CNTN5: variants seen among roughly 807,000 people sequenced by gnomAD.
CNTN5 encodes contactin-5.
In CNTN5, 77 loss-of-function variants were observed where a neutral mutation model predicts 129.1. The ratio of observed to expected loss-of-function variants is 0.60; its 90% CI spans 0.50 to 0.72. The LOEUF is 0.72. CNTN5 is among the 30% of genes least tolerant of loss of function. The pLI, the probability that CNTN5 is intolerant of heterozygous loss-of-function variation, is 0.00. For synonymous variants in CNTN5, 509 were observed against 465.6 expected, an observed-to-expected ratio of 1.09 and a Z score of -1.20; for missense variants, 1,478 against 1,328.8, an observed-to-expected ratio of 1.11 and a Z score of -1.75.
At chr11:99,264,818 C>T (rs1032397431) in intron 1 of CNTN5, among the ~76,000 whole-genome samples, 1 of 151,860 alleles carries the variant, frequency 6.6e-6, no homozygotes, top group Non-Finnish European at 1.5e-5. Context: ...TAAAATTTAC[C>T]ATTTTTCCAA....
intron 21 of CNTN5, among the ~76,000 whole-genome samples, chr11:100,321,478 G>T (rs1269193394): frequency 6.6e-5 from 10 of 151,922 alleles, no homozygotes; most frequent in Admixed American, 5.9e-4. Context: ...TTTCCTATAT[G>T]TTAGATTATG....
chr11:100,283,029 G>C (rs1950675592), intron 18 of CNTN5, among the ~76,000 whole-genome samples: 1 of 152,164 alleles, frequency 6.6e-6, no homozygotes, highest in African/African-American at 2.4e-5. Flanking sequence ...TGCTGTCAAA[G>C]AGTCAACTCC....
At chr11:99,454,018 T>C (rs993037296) in intron 2 of CNTN5, among the ~76,000 whole-genome samples, 1 of 152,112 alleles carries the variant, frequency 6.6e-6, no homozygotes, top group African/African-American at 2.4e-5. Flanking sequence ...CTTAGAAAGA[T>C]AAATAAAATA....
intron 4 of CNTN5, among the ~76,000 whole-genome samples, chr11:99,827,928 T>A (rs1013319660): frequency 6.6e-6 from 1 of 152,222 alleles, no homozygotes; most frequent in Non-Finnish European, 1.5e-5. Flanking sequence ...TGTACAAGTT[T>A]ATTAAACAGA....
In CNTN5 at chr11:99,981,077, G is replaced by GAGATAT. The variant is rs1555171289; in HGVS notation, c.878-20956_878-20955insGATATA. Among the ~76,000 whole-genome samples, 49 of 57,588 alleles carry GAGATAT rather than the reference G, an allele frequency of 8.5e-4. 1 individual carries two copies. The highest frequency in any genetic ancestry group is 8.4e-3 in the East Asian group (14 of 1,658). The allele number at this position is 57,588 out of a possible 152,430, so 37.8% of individuals were successfully genotyped here. On this transcript the variant is annotated intron_variant, in intron 8 of 24. Coordinates refer to ENST00000524871, the MANE Select transcript of CNTN5 (RefSeq NM_014361.4). ...TTTTATAGAGAGAAAGAGCCAATAGGATATATATATATATATATATATATA... is the reference window on the plus strand; with the variant it reads ...TTTTATAGAGAGAAAGAGCCAATAGGAGATATATATATATATATATATATATATATA...
chr11:100,273,842 T>C (rs1950453160), intron 18 of CNTN5, among the ~76,000 whole-genome samples: 3 of 152,192 alleles, frequency 2.0e-5, no homozygotes, highest in Middle Eastern at 3.2e-3. Context: ...TAAACTACCA[T>C]TGACATTCTT....
At chr11:99,426,598 A>T (rs1943131607) in intron 2 of CNTN5, among the ~76,000 whole-genome samples, 1 of 152,188 alleles carries the variant, frequency 6.6e-6, no homozygotes, top group Non-Finnish European at 1.5e-5. Context: ...ACACACTGGC[A>T]CAAATGCTGG....
intron 1 of CNTN5, among the ~76,000 whole-genome samples, chr11:99,076,334 A>G (rs1353457045): frequency 6.6e-6 from 1 of 151,766 alleles, no homozygotes; most frequent in African/African-American, 2.4e-5. Context: ...TCTCAAAAAC[A>G]AAACAAAACA....
intron 13 of CNTN5, among the ~76,000 whole-genome samples, chr11:100,106,243 G>A (rs777002951): frequency 1.3e-5 from 2 of 152,194 alleles, no homozygotes; most frequent in Non-Finnish European, 2.9e-5. Context: ...ACTAGTCACA[G>A]CTAACTGCCA....
At chr11:99,745,514 G>A (rs1263360604) in intron 3 of CNTN5, among the ~76,000 whole-genome samples, 2 of 2,756 alleles carry the variant, frequency 7.3e-4, no homozygotes, top group Non-Finnish European at 0.024. Context: ...AGCTTATATG[G>A]CAGCCTTGTA....
intron 3 of CNTN5, among the ~76,000 whole-genome samples, chr11:99,684,135 T>A (rs142913512): frequency 0.021 from 3,204 of 151,886 alleles, 60 homozygotes; most frequent in Middle Eastern, 0.058. Context: ...ACTCCCTGTT[T>A]CTATGAGTTT....
intron 2 of CNTN5, among the ~76,000 whole-genome samples, chr11:99,550,222 TAAAC>T (rs1354644496): frequency 2.6e-5 from 4 of 152,172 alleles, no homozygotes; most frequent in Non-Finnish European, 5.9e-5. Flanking sequence ...TTTTCTAAGA[TAAAC>T]AATATCATAA....
chr11:99,451,585 T>G (rs918449796), intron 2 of CNTN5, among the ~76,000 whole-genome samples: 1 of 152,192 alleles, frequency 6.6e-6, no homozygotes, highest in African/African-American at 2.4e-5. Flanking sequence ...GAAATTATTT[T>G]TATATGTTAG....
rs1206352072 is a variant in CNTN5, at chr11:100,299,402, T to C, written c.2620+6T>C. The C allele has an allele frequency of 1.3e-6, 2 of 1,522,498 alleles. No homozygotes were observed. The highest frequency in any genetic ancestry group is 1.9e-5 in the Admixed American group (1 of 52,968). The allele number at this position is 1,522,498 out of a possible 1,614,324, so 94.3% of individuals were successfully genotyped here. Reference sequence around the variant, plus strand: ...CATCTGTTCAGCTGAAGGAGGTCAGTTTTTTTATTCCTATTATTTTTATTT... The same window carrying C: ...CATCTGTTCAGCTGAAGGAGGTCAGCTTTTTTATTCCTATTATTTTTATTT... On this transcript the variant is annotated splice_donor_region_variant and intron_variant, in intron 20 of 24. Transcript: ENST00000524871.
chr11:99,172,155 C>G (rs1861177499), intron 1 of CNTN5, among the ~76,000 whole-genome samples: 1 of 152,162 alleles, frequency 6.6e-6, no homozygotes, highest in African/African-American at 2.4e-5. Flanking sequence ...AGTTCTGCCT[C>G]TGTGGCATAG....
At position 99,659,733 on chromosome 11, in the gene CNTN5, A is replaced by G. The variant is rs574170662; in HGVS notation, c.55+103464A>G. On this transcript the variant is annotated intron_variant, in intron 3 of 24. Transcript: ENST00000524871. ...TAGACTGGAGGAGACCCACCCAATC[A>G]TTATGGAGAATAATCTGCTTCAGTC... Among the ~76,000 whole-genome samples the G allele has an allele frequency of 2.0e-5, 3 of 152,260 alleles. No homozygotes were observed. In the East Asian group the frequency reaches 5.8e-4, roughly 29 times the overall value.
chr11:100,034,462 A>G lies in CNTN5; in HGVS notation c.981-26750A>G, dbSNP rs112549384. Among the ~76,000 whole-genome samples the G allele has an allele frequency of 4.6e-5, 7 of 152,306 alleles. 1 individual carries two copies. Among genetic ancestry groups the G allele is most frequent in the African/African-American group, 1.7e-4 (7 of 41,566 alleles). On this transcript the variant is annotated intron_variant, in intron 9 of 24. Transcript: ENST00000524871. ...AGTACAACCCCATTAATTTAACTAG[A>G]CCAGAGTAATCATTTACATGATTTC...
At chr11:99,658,094 C>A (rs1029022458) in intron 3 of CNTN5, among the ~76,000 whole-genome samples, 4 of 151,918 alleles carry the variant, frequency 2.6e-5, no homozygotes, top group African/African-American at 9.7e-5. Flanking sequence ...TAGCTGTGAA[C>A]AAAACACCTC....
intron 8 of CNTN5, among the ~76,000 whole-genome samples, chr11:99,971,843 A>T (rs950236331): frequency 6.6e-6 from 1 of 151,536 alleles, no homozygotes; most frequent in Non-Finnish European, 1.5e-5. Context: ...ATTTTAAAAA[A>T]ATTTATCAAA....
Sources: allele counts gnomAD v4.1 joint callset (sites outside exome capture counted in the v4.1 genomes callset), GRCh38; gene constraint gnomAD v4.1.1; transcripts MANE v1.5; gene names NCBI Gene and HGNC (gene_info 2026-07-23, HGNC 2026-07-21).